The following OTOG variants were observed in gnomAD, a reference collection of about 807,000 sequenced individuals.
OTOG encodes the protein otogelin.
A neutral mutation model predicts 313.8 loss-of-function variants in OTOG; 296 were observed. That is an observed-to-expected ratio of 0.94 (90% CI 0.86 to 1.04). The LOEUF (loss-of-function observed/expected upper bound fraction) is 1.04. Among genes scored for constraint, OTOG ranks in the 50% least tolerant of loss-of-function variants. OTOG has a pLI of 0.00. For missense variants in OTOG, 3,948 were observed against 3,840.1 expected, an observed-to-expected ratio of 1.03 and a Z score of -0.74; for synonymous variants, 1,533 against 1,554.9, an observed-to-expected ratio of 0.99 and a Z score of 0.33.
intron 31 of OTOG, among the ~76,000 whole-genome samples, chr11:17,600,852 C>T (rs1853232465): frequency 6.6e-6 from 1 of 152,240 alleles, no homozygotes; most frequent in Non-Finnish European, 1.5e-5. Context: ...GCATCTTCCA[C>T]CTACCCACCC....
chr11:17,613,219 C>G (rs1462417646), intron 38 of OTOG, among the ~76,000 whole-genome samples: 1 of 129,708 alleles, frequency 7.7e-6, no homozygotes, highest in Non-Finnish European at 1.6e-5. Flanking sequence ...TTCTTTCTTT[C>G]TTTCTTTCTT....
Position 17,633,873 on chromosome 11 carries a change from C to T in OTOG, c.7266C>T (p.Cys2422=), listed in dbSNP as rs1450427701. ...CACTCTGCATCCCGGAGGCCAAGTG[C>T]GGTAGGTTCCTCCCCTCCCTGAGTG... ...HSALCIPEAK[C]ACTDSMGVPR... is the part of the protein sequence containing the mutation. The change falls in exon 43 of 56, where the codon TGC becomes TGT. Residue 2422 remains cysteine (C), a splice_region_variant and synonymous_variant. Transcript: ENST00000399397. 21 of 1,530,258 alleles carry T rather than the reference C, an allele frequency of 1.4e-5. No individual in the cohort carries two copies. Among genetic ancestry groups the T allele is most frequent in the East Asian group, 7.4e-5 (3 of 40,728 alleles). 94.8% of individuals were successfully genotyped at this position (1,530,258 alleles called of 1,614,324 possible). A position where few individuals can be genotyped will look rare whatever the true frequency, so the allele number is the denominator to read the frequency against.
chr11:17,634,323 C>A, intron 44 of OTOG, 42 bp downstream of exon 44: 1 of 1,535,542 alleles, frequency 6.5e-7, no homozygotes. Context: ...AACTGTAAAA[C>A]AGTTAAAAGG....
At chr11:17,616,024 CTTA>C (rs969740315) in intron 39 of OTOG, among the ~76,000 whole-genome samples, 1 of 152,120 alleles carries the variant, frequency 6.6e-6, no homozygotes, top group Admixed American at 6.5e-5. Context: ...ATTACCATTA[CTTA>C]TTATTAAACC....
chr11:17,632,126 C>T lies in OTOG; in HGVS notation c.6972C>T (p.Asp2324=), dbSNP rs1045251999. 8 of 1,550,942 alleles carry T rather than the reference C, an allele frequency of 5.2e-6. No individual in the cohort carries two copies. The African/African-American group carries it at 1.1e-4, about 21-fold the overall frequency. ...CATTCTGTGAGCTGTGGATCCGGGA[C>T]ACCAAGTACGTGCAGCAGCCCTGCG... ...PESFCELWIR[D]TKYVQQPCVA... Residue 2324 remains aspartate (D), a synonymous_variant, in exon 42 of 56, where the codon GAC becomes GAT. Coordinates refer to ENST00000399397, the MANE Select transcript of OTOG (RefSeq NM_001292063.2).
chr11:17,550,222 G>A (rs530167657), intron 3 of OTOG, among the ~76,000 whole-genome samples: 148 of 152,250 alleles, frequency 9.7e-4, no homozygotes, highest in Non-Finnish European at 1.6e-3. Flanking sequence ...TATCATTTAT[G>A]TTCATCACTA....
chr11:17,596,488 G>A (rs1270735934), intron 29 of OTOG, among the ~76,000 whole-genome samples: 2 of 152,228 alleles, frequency 1.3e-5, no homozygotes, highest in Non-Finnish European at 2.9e-5. Context: ...AGTGCACACA[G>A]AGGAGGCTGG....
At chr11:17,574,512 T>C (rs1393018126) in intron 19 of OTOG, among the ~76,000 whole-genome samples, 1 of 152,166 alleles carries the variant, frequency 6.6e-6, no homozygotes, top group African/African-American at 2.4e-5. Flanking sequence ...CACCTGCTGC[T>C]TTGCCGTTCC....
intron 23 of OTOG, among the ~76,000 whole-genome samples, chr11:17,584,445 A>G (rs138167321): frequency 6.6e-6 from 1 of 152,174 alleles, no homozygotes; most frequent in Non-Finnish European, 1.5e-5. Flanking sequence ...TTTGCAAATG[A>G]TCTTTATCAG....
At position 17,558,523 on chromosome 11, in the gene OTOG, G is replaced by A. The variant is rs1044005163; in HGVS notation, c.997-15G>A. ...TTGCCAGCCCCTAGCCCTGGCTCCT[G>A]GTCCCTTGCTCTAGGGCGTGTACGA... On this transcript the variant is annotated splice_polypyrimidine_tract_variant and intron_variant, in intron 9 of 55. Coordinates refer to ENST00000399397, the MANE Select transcript of OTOG (RefSeq NM_001292063.2). 2.6e-6 allele frequency: 4 copies of A among 1,550,264 alleles called. No individual in the cohort carries two copies. The East Asian group carries it at 7.3e-5, about 28-fold the overall frequency.
At chr11:17,593,375 C>A in intron 26 of OTOG, 48 bp downstream of exon 26, 1 of 1,544,878 alleles carries the variant, frequency 6.5e-7, no homozygotes, top group South Asian at 1.2e-5. Flanking sequence ...TACAGGTTAC[C>A]AGGGTTGGGG....
chr11:17,592,854 G>T (rs770443982), intron 25 of OTOG, among the ~76,000 whole-genome samples: 1 of 152,162 alleles, frequency 6.6e-6, no homozygotes, highest in Non-Finnish European at 1.5e-5. Flanking sequence ...TTCAATGCCA[G>T]CAAATTCCCC....
chr11:17,552,354 G>A (rs944902340), intron 4 of OTOG, among the ~76,000 whole-genome samples: 1 of 152,182 alleles, frequency 6.6e-6, no homozygotes, highest in Admixed American at 6.5e-5. Context: ...TCATTATTTA[G>A]TGGTTGTTTC....
chr11:17,613,195 T>TTTTCTTTCTTTCTTTCTCTC (rs1853616596), intron 38 of OTOG, among the ~76,000 whole-genome samples: 2 of 65,328 alleles, frequency 3.1e-5, no homozygotes, highest in African/African-American at 7.6e-5. Flanking sequence ...TCTTTCTTTC[T>TTTTCTTTCTTTCTTTCTCTC]TTTCTTTCTT....
At chr11:17,631,448 T>C (rs1483373116) in intron 40 of OTOG, among the ~76,000 whole-genome samples, 2 of 152,102 alleles carry the variant, frequency 1.3e-5, no homozygotes. Flanking sequence ...TATGCATTTT[T>C]CGGAACCATT....
At chr11:17,582,938 T>G (rs7108437) in intron 23 of OTOG, among the ~76,000 whole-genome samples, 2,593 of 152,232 alleles carry the variant, frequency 0.017, 80 homozygotes, top group African/African-American at 0.059. Flanking sequence ...CCTTGAAGTA[T>G]CTAAAAACTT....
At chr11:17,571,428 C>T (rs981534613) in intron 17 of OTOG, among the ~76,000 whole-genome samples, 2 of 152,192 alleles carry the variant, frequency 1.3e-5, no homozygotes, top group Admixed American at 6.5e-5. Flanking sequence ...CTCCGCTCAA[C>T]ACCTACACCT....
At chr11:17,642,704 G>C (rs1848001261) in intron 53 of OTOG, among the ~76,000 whole-genome samples, 1 of 152,220 alleles carries the variant, frequency 6.6e-6, no homozygotes. Flanking sequence ...ACAACTGTCA[G>C]TATGGGCGCA....
chr11:17,630,945 C>T (rs574808190), intron 40 of OTOG, among the ~76,000 whole-genome samples: 3 of 152,344 alleles, frequency 2.0e-5, no homozygotes, highest in East Asian at 3.9e-4. Context: ...TTCCTGCATA[C>T]ATAAGTTCCC....
Sources: gnomAD v4.1 joint callset for allele counts (sites outside exome capture counted in the v4.1 genomes callset) on GRCh38, gnomAD v4.1.1 for gene constraint, MANE v1.5 for transcripts, NCBI Gene and HGNC (gene_info 2026-07-23, HGNC 2026-07-21) for gene names.